Variants in MYCBP2 observed in about 807,000 individuals in gnomAD.
The protein encoded by MYCBP2 is E3 ubiquitin-protein ligase MYCBP2.
MYCBP2 carries 120 observed loss-of-function variants against 525.3 expected under a neutral mutation model. That is an observed-to-expected ratio of 0.23 (90% CI 0.20 to 0.27). The LOEUF (loss-of-function observed/expected upper bound fraction) is 0.27. Ranked by LOEUF, MYCBP2 falls within the 10% of genes least tolerant of loss-of-function variation. The probability of loss-of-function intolerance (pLI) is 1.00; values close to 1 mark genes in which losing one functional copy is unlikely to be tolerated. For missense variants in MYCBP2, 4,149 were observed against 5,657.1 expected (o/e 0.73, Z 8.55); for synonymous variants, 1,894 against 1,955.8 (o/e 0.97, Z 0.83).
At chr13:77,299,582 C>T (rs991208283) in intron 1 of MYCBP2, among the ~76,000 whole-genome samples, 1 of 152,150 alleles carries the variant, frequency 6.6e-6, no homozygotes. Context: ...TAATATAACA[C>T]ACCATTATAT....
At chr13:77,225,800 T>C (rs896535140) in intron 18 of MYCBP2, among the ~76,000 whole-genome samples, 2 of 152,220 alleles carry the variant, frequency 1.3e-5, no homozygotes, top group African/African-American at 4.8e-5. Flanking sequence ...GATCTGGTTA[T>C]GGATAAAACC....
chr13:77,308,953 C>T (rs1217735325), intron 1 of MYCBP2, among the ~76,000 whole-genome samples: 1 of 152,194 alleles, frequency 6.6e-6, no homozygotes, highest in Non-Finnish European at 1.5e-5. Context: ...AGTTGCCCTG[C>T]ACACAGGCCA....
chr13:77,102,753 CT>C (rs1398716102), intron 55 of MYCBP2, among the ~76,000 whole-genome samples: 1 of 151,544 alleles, frequency 6.6e-6, no homozygotes, highest in African/African-American at 2.4e-5. Context: ...AACTTAAAAA[CT>C]TTAAGTTCAT....
intron 59 of MYCBP2, among the ~76,000 whole-genome samples, chr13:77,091,151 T>TA (rs2045347440): frequency 6.9e-6 from 1 of 145,490 alleles, no homozygotes; most frequent in Non-Finnish European, 1.5e-5. Flanking sequence ...AATAGACGGC[T>TA]AACTGCCTAG....
intron 28 of MYCBP2, 23 bp from the exon 29 acceptor site, chr13:77,190,358 C>T: frequency 7.4e-7 from 1 of 1,354,206 alleles, no homozygotes; most frequent in South Asian, 1.2e-5. Context: ...AACAATGATA[C>T]CAAAAACAAC....
chr13:77,154,220 T>A (rs78012799), intron 46 of MYCBP2, among the ~76,000 whole-genome samples: 1 of 152,108 alleles, frequency 6.6e-6, no homozygotes, highest in Non-Finnish European at 1.5e-5. Context: ...TCACTTCTTC[T>A]AGATAGTATT....
intron 4 of MYCBP2, among the ~76,000 whole-genome samples, chr13:77,276,026 C>T (rs2075529154): frequency 6.6e-6 from 1 of 152,120 alleles, no homozygotes; most frequent in South Asian, 2.1e-4. Context: ...TACTTTCCTC[C>T]ATACGATTTA....
At chr13:77,087,392 G>A in intron 62 of MYCBP2, 92 bp downstream of exon 62, 1 of 1,105,384 alleles carries the variant, frequency 9.0e-7, no homozygotes, top group Non-Finnish European at 1.3e-6. Flanking sequence ...AGTTAGATCT[G>A]CGAATGATTT....
Position 77,326,389 on chromosome 13 carries a change from G to GTA in MYCBP2, c.302+84_302+85insTA. On this transcript the variant is annotated intron_variant, in intron 1 of 82. Transcript: ENST00000544440. The surrounding 1 kb of genome is among the most constrained non-coding windows in gnomAD (Gnocchi z 4.2). ...TAAATGCGCAGGTACACACACGCAA[G>GTA]CACACACACACGCGGGTGCACGCGC... 1 of 1,326,166 alleles carries GTA rather than the reference G, an allele frequency of 7.5e-7. No homozygotes were observed. Among genetic ancestry groups the GTA allele is most frequent in the Non-Finnish European group, 1.0e-6 (1 of 991,352 alleles). The allele number at this position is 1,326,166 out of a possible 1,614,324, so 82.1% of individuals were successfully genotyped here. A position where few individuals can be genotyped will look rare whatever the true frequency, so the allele number is the denominator to read the frequency against.
chr13:77,231,542 A>G (rs2067136188), intron 18 of MYCBP2, among the ~76,000 whole-genome samples: 1 of 152,210 alleles, frequency 6.6e-6, no homozygotes, highest in African/African-American at 2.4e-5. Context: ...CACTGCGCCC[A>G]GCCTCACTGA....
At chr13:77,261,601 T>A (rs887043557) in intron 11 of MYCBP2, among the ~76,000 whole-genome samples, 13 of 151,998 alleles carry the variant, frequency 8.6e-5, no homozygotes, top group Non-Finnish European at 1.3e-4. Context: ...ATCCATTAAG[T>A]TTCCTGTCTT....
rs757105850 is a variant in MYCBP2, at chr13:77,206,854, C to T, written c.3417-29G>A. 7.2e-6 allele frequency: 11 copies of T among 1,527,430 alleles called. No homozygotes were observed. In the East Asian group the frequency reaches 1.2e-4, roughly 16 times the overall value. 94.6% of individuals were successfully genotyped at this position (1,527,430 alleles called of 1,614,324 possible). ...TAAAGAAAAAGAATAATTACAGCAC[C>T]TCAATGTGGTTTTGTTTTTAAAAAA... On this transcript the variant is annotated intron_variant, in intron 23 of 82. Transcript: ENST00000544440.
chr13:77,133,740 T>TC (rs1202402763), intron 52 of MYCBP2, among the ~76,000 whole-genome samples: 3 of 152,198 alleles, frequency 2.0e-5, no homozygotes, highest in African/African-American at 7.2e-5. Context: ...ACATAGCATG[T>TC]CCCCATAACT....
intron 54 of MYCBP2, among the ~76,000 whole-genome samples, chr13:77,122,052 T>C (rs1199216106): frequency 1.3e-5 from 2 of 151,988 alleles, no homozygotes; most frequent in Non-Finnish European, 2.9e-5. Context: ...TAATAAACCA[T>C]GTTACATAAT....
At chr13:77,323,357 T>A (rs1462111216) in intron 1 of MYCBP2, among the ~76,000 whole-genome samples, 1 of 152,236 alleles carries the variant, frequency 6.6e-6, no homozygotes, top group Non-Finnish European at 1.5e-5. Context: ...TTAATTCATT[T>A]GACATTGACT....
At chr13:77,154,228 A>T (rs2056923308) in intron 46 of MYCBP2, among the ~76,000 whole-genome samples, 1 of 152,134 alleles carries the variant, frequency 6.6e-6, no homozygotes, top group Non-Finnish European at 1.5e-5. Context: ...TCTAGATAGT[A>T]TTTAGAGTGG....
rs374531490 is a variant in MYCBP2 at position 77,055,712 on chromosome 13, T to C, written c.13493A>G (p.Tyr4498Cys). 2 of 1,613,864 alleles carry C rather than the reference T, an allele frequency of 1.2e-6. No homozygotes were observed. The highest frequency in any genetic ancestry group is 1.1e-5 in the South Asian group (1 of 91,086). The change falls in exon 80 of 83, where the codon TAT becomes TGT. Residue 4498 changes from tyrosine to cysteine, a missense_variant. Transcript: ENST00000544440. ...TAAGGCTTTTCTTCTGACATCCTCATAGAGTTCTTTTATTGGATCAAGTAG... is the reference window on the plus strand; with the variant it reads ...TAAGGCTTTTCTTCTGACATCCTCACAGAGTTCTTTTATTGGATCAAGTAG... ...KDLLDPIKEL[Y>C]EDVRRKALMR...
In MYCBP2 at chr13:77,083,302, A is replaced by G; in HGVS notation, c.10876-110T>C. 3.2e-6 allele frequency: 3 copies of G among 925,556 alleles called. No homozygotes were observed. The South Asian group carries it at 6.7e-5, about 21-fold the overall frequency. 57.3% of individuals were successfully genotyped at this position (925,556 alleles called of 1,614,324 possible). A position where few individuals can be genotyped will look rare whatever the true frequency, so the allele number is the denominator to read the frequency against. On this transcript the variant is annotated intron_variant, in intron 62 of 82. Transcript: ENST00000544440. ...ATGGTCATGTAACAGAAATACAAAC[A>G]ACAAAACCAAATTGTACCCAGAAAG...
chr13:77,068,728 T>C lies in MYCBP2; in HGVS notation c.12008A>G (p.Asn4003Ser). The C allele has an allele frequency of 6.2e-7, 1 of 1,614,218 alleles. No individual in the cohort carries two copies. Among genetic ancestry groups the C allele is most frequent in the Non-Finnish European group, 8.5e-7 (1 of 1,180,030 alleles). The part of the protein sequence containing the change: ...SSKENANSQP[N>S]DEDASSDAYC... The stretch of plus-strand genomic sequence containing the variant: ...GGCATCAGAGGAGGCATCTTCATCA[T>C]TTGGCTGAGAATTGGCATTTTCTTT... The change falls in exon 70 of 83, where the codon AAT becomes AGT. Residue 4003 changes from asparagine (N) to serine (S), a missense_variant. Asn to Ser is a conservative substitution (Grantham distance 46). This residue lies in a region of MYCBP2 where 64 missense variants were observed against 131.2 expected (regional missense o/e 0.49). Transcript: ENST00000544440.
Sources: gnomAD v4.1 joint callset for allele counts (sites outside exome capture counted in the v4.1 genomes callset) on GRCh38, gnomAD v4.1.1 for gene constraint, gnomAD v4.1.1 regional missense constraint, Gnocchi (gnomAD v3.1) non-coding constraint, MANE v1.5 for transcripts, NCBI Gene and HGNC (gene_info 2026-07-23, HGNC 2026-07-21) for gene names.